The following GTSE1 variants were observed in gnomAD, a reference collection of about 807,000 sequenced individuals.
GTSE1 encodes the protein G2 and S-phase expressed 1.
GTSE1 carries 52 observed loss-of-function variants against 60.5 expected under a neutral mutation model. The observed-to-expected ratio is 0.86, with a 90% CI of 0.69 to 1.08. The LOEUF is 1.08. Ranked by LOEUF, GTSE1 falls within the 50% of genes least tolerant of loss-of-function variation. GTSE1 has a pLI of 0.00. For missense variants in GTSE1, 937 were observed against 961.8 expected (o/e 0.97, Z 0.34); for synonymous variants, 368 against 386.5 (o/e 0.95, Z 0.56).
rs1362974161 is a variant in GTSE1 at position 46,329,533 on chromosome 22, A to G, written c.2102A>G (p.Lys701Arg). 1 of 1,614,148 alleles carries G rather than the reference A, an allele frequency of 6.2e-7. No individual in the cohort carries two copies. The highest frequency in any genetic ancestry group is 1.7e-5 in the Admixed American group (1 of 60,022). The change falls in exon 11 of 12, where the codon AAA becomes AGA. Residue 701 changes from lysine to arginine, a missense_variant. Coordinates refer to ENST00000454366, the MANE Select transcript of GTSE1 (RefSeq NM_016426.7). The surrounding 1 kb of genome is among the most constrained non-coding windows in gnomAD (Gnocchi z 6.4). ...DLMTNTPDMNKNVAKPSPVVG... is the reference protein window; with the variant it reads ...DLMTNTPDMNRNVAKPSPVVG... ...ATGACAAACACTCCAGACATGAATA[A>G]AAATGTGGCCAAACCTTCACCGGTG... is the stretch of plus-strand genomic sequence containing the variant.
intron 2 of GTSE1, among the ~76,000 whole-genome samples, chr22:46,300,301 T>C (rs1003568220): frequency 6.6e-6 from 1 of 152,058 alleles, no homozygotes; most frequent in Admixed American, 6.6e-5. Flanking sequence ...TTTCACCATG[T>C]TGGTCAGGAC....
At position 46,327,735 on chromosome 22, in the gene GTSE1, A is replaced by AT. The variant is rs569098537; in HGVS notation, c.1725-948dup. On this transcript the variant is annotated intron_variant, in intron 9 of 11. Coordinates refer to ENST00000454366, the MANE Select transcript of GTSE1 (RefSeq NM_016426.7). ...CCGTGTATTTATACACAAATTACAC[A>AT]TTTTTATATATCTTATATGTTTCTG... Among the ~76,000 whole-genome samples the AT allele has an allele frequency of 9.8e-4, 149 of 152,376 alleles. No homozygotes were observed. In the Middle Eastern group the frequency reaches 0.017, roughly 17 times the overall value.
chr22:46,322,175 C>T (rs965911087), intron 7 of GTSE1, among the ~76,000 whole-genome samples: 10 of 151,076 alleles, frequency 6.6e-5, no homozygotes, highest in African/African-American at 2.2e-4. Flanking sequence ...GGACGTGGGA[C>T]AGGAGCTTGG....
chr22:46,316,432 T>C lies in GTSE1; in HGVS notation c.1432+20T>C. On this transcript the variant is annotated intron_variant, in intron 7 of 11. Transcript: ENST00000454366. The surrounding 1 kb of genome is among the most constrained non-coding windows in gnomAD (Gnocchi z 5.0). Reference sequence around the variant, plus strand: ...CTATTGGTGAGTAATAGATACATTTTAATGTGTCTTTAAAAAATACTGAAG... The same window carrying C: ...CTATTGGTGAGTAATAGATACATTTCAATGTGTCTTTAAAAAATACTGAAG... The C allele has an allele frequency of 1.5e-6, 2 of 1,348,978 alleles. No individual in the cohort carries two copies. Among genetic ancestry groups the C allele is most frequent in the Non-Finnish European group, 2.1e-6 (2 of 974,968 alleles). The allele number at this position is 1,348,978 out of a possible 1,614,324, so 83.6% of individuals were successfully genotyped here.
chr22:46,313,899 A>G lies in GTSE1; in HGVS notation c.937A>G (p.Lys313Glu). The change falls in exon 6 of 12, where the codon AAG becomes GAG. Residue 313 changes from lysine (K) to glutamate (E), a missense_variant. Lys to Glu is a moderately conservative substitution (Grantham distance 56, BLOSUM62 1). Coordinates refer to ENST00000454366, the MANE Select transcript of GTSE1 (RefSeq NM_016426.7). This position sits in a 1 kb window ranked among gnomAD's most constrained non-coding sequence, Gnocchi z 4.4. ...TCACATTTTGCCCCAGTTGGGGCTGAAGAAGACCCTGTTAAAAGCACCCGG... is the reference window on the plus strand; with the variant it reads ...TCACATTTTGCCCCAGTTGGGGCTGGAGAAGACCCTGTTAAAAGCACCCGG... The part of the protein sequence containing the change: ...AIPVPNKLGL[K>E]KTLLKAPGST... 1 of 1,614,172 alleles carries G rather than the reference A, an allele frequency of 6.2e-7. No homozygotes were observed. The highest frequency in any genetic ancestry group is 8.5e-7 in the Non-Finnish European group (1 of 1,179,990).
rs1485605135 is a variant in GTSE1 at position 46,319,099 on chromosome 22, G to A, written c.1432+2687G>A. 6.6e-6 allele frequency among the ~76,000 whole-genome samples: 1 copy of A among 152,200 alleles called. No individual in the cohort carries two copies. Among genetic ancestry groups the A allele is most frequent in the Non-Finnish European group, 1.5e-5 (1 of 68,036 alleles). On this transcript the variant is annotated intron_variant, in intron 7 of 11. Transcript: ENST00000454366. This position sits in a 1 kb window ranked among gnomAD's most constrained non-coding sequence, Gnocchi z 5.0. ...GAAATTTCTTACTGAGAAGAGGAAA[G>A]TTGCTGTTGAACAAAAACTAGCAAC...
At chr22:46,311,178 A>C (rs929331600) in intron 4 of GTSE1, among the ~76,000 whole-genome samples, 1 of 152,038 alleles carries the variant, frequency 6.6e-6, no homozygotes, top group Non-Finnish European at 1.5e-5. Flanking sequence ...CTCGGGTTCA[A>C]GCAGTCCTCC....
intron 6 of GTSE1, among the ~76,000 whole-genome samples, chr22:46,315,387 G>T (rs1045147212): frequency 2.0e-5 from 3 of 152,112 alleles, no homozygotes; most frequent in African/African-American, 7.2e-5. Flanking sequence ...AGAGAGGATG[G>T]TCTCACTATA....
At position 46,310,551 on chromosome 22, in the gene GTSE1, A is replaced by G. The variant is rs924278457; in HGVS notation, c.763-1590A>G. ...CAGCATTATTCATAACAGCCAAAAA[A>G]GTAGGACCAACCCAGGCATCCAGCA... On this transcript the variant is annotated intron_variant, in intron 4 of 11. Coordinates refer to ENST00000454366, the MANE Select transcript of GTSE1 (RefSeq NM_016426.7). The surrounding 1 kb of genome is among the most constrained non-coding windows in gnomAD (Gnocchi z 4.4). Among the ~76,000 whole-genome samples the G allele has an allele frequency of 2.0e-5, 3 of 152,242 alleles. No homozygotes were observed. The highest frequency in any genetic ancestry group is 4.4e-5 in the Non-Finnish European group (3 of 68,034).
chr22:46,302,655 C>A (rs561110318), intron 2 of GTSE1, among the ~76,000 whole-genome samples: 51 of 152,256 alleles, frequency 3.3e-4, no homozygotes, highest in African/African-American at 1.2e-3. Flanking sequence ...AGCCACTGGG[C>A]CCAGCCGACC....
In GTSE1 at chr22:46,310,756, C is replaced by T. The variant is rs571831768; in HGVS notation, c.763-1385C>T. 1.0e-3 allele frequency among the ~76,000 whole-genome samples: 155 copies of T among 152,300 alleles called. No individual in the cohort carries two copies. The highest frequency in any genetic ancestry group is 3.5e-3 in the African/African-American group (147 of 41,554). ...CCAGCCCGGCCAACATGGTGAAACCCCGTCTCTACAAAAAAATACAAAAAT... is the reference window on the plus strand; with the variant it reads ...CCAGCCCGGCCAACATGGTGAAACCTCGTCTCTACAAAAAAATACAAAAAT... On this transcript the variant is annotated intron_variant, in intron 4 of 11. Transcript: ENST00000454366. This position sits in a 1 kb window ranked among gnomAD's most constrained non-coding sequence, Gnocchi z 4.4.
rs2077708241 is a variant in GTSE1, at chr22:46,304,967, A to G, written c.80-3183A>G. Among the ~76,000 whole-genome samples the G allele has an allele frequency of 6.6e-6, 1 of 152,254 alleles. No individual in the cohort carries two copies. The highest frequency in any genetic ancestry group is 1.5e-5 in the Non-Finnish European group (1 of 68,044). ...GTACTCCAGCCTGGGTGACAGAGCG[A>G]GACCCTGTCTCAAAAAAAGAAAAAG... On this transcript the variant is annotated intron_variant, in intron 2 of 11. Transcript: ENST00000454366. The surrounding 1 kb of genome is among the most constrained non-coding windows in gnomAD (Gnocchi z 4.4).
Position 46,314,850 on chromosome 22 carries a change from C to CAAAAAAAAAAA in GTSE1, c.1051+844_1051+854dup, listed in dbSNP as rs551490317. Among the ~76,000 whole-genome samples the CAAAAAAAAAAA allele has an allele frequency of 2.1e-5, 2 of 96,740 alleles. No homozygotes were observed. Among genetic ancestry groups the CAAAAAAAAAAA allele is most frequent in the Non-Finnish European group, 4.6e-5 (2 of 43,716 alleles). 63.5% of individuals were successfully genotyped at this position (96,740 alleles called of 152,430 possible). A position where few individuals can be genotyped will look rare whatever the true frequency, so the allele number is the denominator to read the frequency against. ...GAGATTGCATCACTGCACTCCGTCT[C>CAAAAAAAAAAA]AAAAAAAAAAAAAAAAATGATAAGT... On this transcript the variant is annotated intron_variant, in intron 6 of 11. Transcript: ENST00000454366. The surrounding 1 kb of genome is among the most constrained non-coding windows in gnomAD (Gnocchi z 7.1).
rs375274769 is a variant in GTSE1 at position 46,308,678 on chromosome 22, A to G, written c.497A>G (p.Tyr166Cys). 6 of 1,613,886 alleles carry G rather than the reference A, an allele frequency of 3.7e-6. No homozygotes were observed. The African/African-American group carries it at 6.7e-5, about 18-fold the overall frequency. Residue 166 changes from tyrosine (Y) to cysteine (C), a missense_variant, in exon 4 of 12, where the codon TAC becomes TGC. Coordinates refer to ENST00000454366, the MANE Select transcript of GTSE1 (RefSeq NM_016426.7). ...KSPTSLKRETYYLSDSPLLGP... is the reference protein window; with the variant it reads ...KSPTSLKRETCYLSDSPLLGP... ...CCCACGTCTCTTAAAAGGGAGACAT[A>G]CTACCTGTCAGACAGCCCCTTGCTG...
intron 9 of GTSE1, chr22:46,327,208 TTAAAA>T (rs1211537979): frequency 1.3e-5 from 2 of 151,206 alleles, no homozygotes; most frequent in Non-Finnish European, 3.0e-5. Context: ...TCTGTAAAAA[TTAAAA>T]TAAATAAAAT....
In GTSE1 at chr22:46,297,522, C is replaced by G; in HGVS notation, c.79+43C>G. On this transcript the variant is annotated intron_variant, in intron 2 of 11. Transcript: ENST00000454366. The surrounding 1 kb of genome is among the most constrained non-coding windows in gnomAD (Gnocchi z 4.9). The stretch of plus-strand genomic sequence containing the variant: ...CGGCGCTGTTGTTGTTCAGGATGTT[C>G]AGTAGAGATGGAGGGTGATTTAATG... 1 of 1,309,432 alleles carries G rather than the reference C, an allele frequency of 7.6e-7. No homozygotes were observed. The highest frequency in any genetic ancestry group is 1.1e-6 in the Non-Finnish European group (1 of 907,124). The allele number at this position is 1,309,432 out of a possible 1,614,324, so 81.1% of individuals were successfully genotyped here.
intron 6 of GTSE1, 36 bp from the exon 7 acceptor site, chr22:46,315,996 T>C (rs2077776850): frequency 1.4e-6 from 2 of 1,460,444 alleles, no homozygotes; most frequent in South Asian, 2.8e-5. Context: ...CTTCATACTT[T>C]TATAATAATG....
Position 46,308,391 on chromosome 22 carries a change from A to G in GTSE1, c.210A>G (p.Glu70=), listed in dbSNP as rs1286525169. 1 of 1,614,100 alleles carries G rather than the reference A, an allele frequency of 6.2e-7. No homozygotes were observed. The highest frequency in any genetic ancestry group is 8.5e-7 in the Non-Finnish European group (1 of 1,180,026). ...HKERCIAASL[E]LNNPVPEQPP... ...AAAGATGTATTGCTGCCAGCTTGGA[A>G]TTAAATAATCCGGTTCCCGAACAGC... The change falls in exon 4 of 12, where the codon GAA becomes GAG. Residue 70 remains glutamate (E), a synonymous_variant. Coordinates refer to ENST00000454366, the MANE Select transcript of GTSE1 (RefSeq NM_016426.7).
intron 9 of GTSE1, among the ~76,000 whole-genome samples, 183 bp from the exon 10 acceptor site, chr22:46,328,505 A>G (rs1412158297): frequency 6.6e-6 from 1 of 152,154 alleles, no homozygotes; most frequent in Non-Finnish European, 1.5e-5. Flanking sequence ...AGCTGAGAGG[A>G]ACTGGAGAGA....
Sources: gnomAD v4.1 joint callset for allele counts (sites outside exome capture counted in the v4.1 genomes callset) on GRCh38, gnomAD v4.1.1 for gene constraint, Gnocchi (gnomAD v3.1) non-coding constraint, MANE v1.5 for transcripts, NCBI Gene and HGNC (gene_info 2026-07-23, HGNC 2026-07-21) for gene names.